Variants in CHN2 observed in about 807,000 individuals in gnomAD.
The protein encoded by CHN2 is chimerin 2.
A neutral mutation model predicts 56.3 loss-of-function variants in CHN2; 35 were observed. The ratio of observed to expected loss-of-function variants is 0.62; its 90% CI spans 0.47 to 0.82. The LOEUF is 0.82. Ranked by LOEUF, CHN2 falls within the 40% of genes least tolerant of loss-of-function variation. The pLI, the probability that CHN2 is intolerant of heterozygous loss-of-function variation, is 0.00. For synonymous variants in CHN2, 210 were observed against 212.8 expected, an observed-to-expected ratio of 0.99 and a Z score of 0.12; for missense variants, 491 against 580.5, an observed-to-expected ratio of 0.85 and a Z score of 1.58.
intron 6 of CHN2, chr7:29,445,249 T>A: frequency 2.3e-6 from 1 of 437,506 alleles, no homozygotes; most frequent in South Asian, 1.6e-5. Context: ...GAACCCTACC[T>A]CCTAGCCAGA....
At chr7:29,207,986 C>A (rs190090345) in intron 1 of CHN2, among the ~76,000 whole-genome samples, 55 of 152,208 alleles carry the variant, frequency 3.6e-4, no homozygotes, top group African/African-American at 1.2e-3. Context: ...TTTTCTAGAA[C>A]CATGTATTGT....
intron 6 of CHN2, among the ~76,000 whole-genome samples, chr7:29,425,009 G>T (rs1804716422): frequency 6.6e-6 from 1 of 152,236 alleles, no homozygotes; most frequent in African/African-American, 2.4e-5. Context: ...CCTGCATCAA[G>T]AGATTTGACA....
chr7:29,195,256 C>G (rs1007152971), intron 1 of CHN2: 2 of 410,790 alleles, frequency 4.9e-6, no homozygotes, highest in African/African-American at 2.1e-5. Flanking sequence ...TGGAGTGCAG[C>G]GAGCGAAAAG....
At chr7:29,195,124 G>T in intron 1 of CHN2, 134 bp downstream of exon 1, 2 of 907,362 alleles carry the variant, frequency 2.2e-6, no homozygotes, top group Non-Finnish European at 3.2e-6. Context: ...GGCGTCCGGG[G>T]TGATACTTGT....
At position 29,198,084 on chromosome 7, in the gene CHN2, C is replaced by T. The variant is rs112925847; in HGVS notation, c.49+3094C>T. On this transcript the variant is annotated intron_variant, in intron 1 of 12. Transcript: ENST00000222792. Reference sequence around the variant, plus strand: ...AGAGCTGCCAGCTCACTCATTGCTGCTGCTGATGTAGGAGGTTTTCTTTCT... The same window carrying T: ...AGAGCTGCCAGCTCACTCATTGCTGTTGCTGATGTAGGAGGTTTTCTTTCT... 85 of 455,554 alleles carry T rather than the reference C, an allele frequency of 1.9e-4. 1 individual carries two copies. The highest frequency in any genetic ancestry group is 1.5e-3 in the African/African-American group (77 of 50,146). The allele number at this position is 455,554 out of a possible 1,614,324, so 28.2% of individuals were successfully genotyped here.
chr7:29,204,532 A>T (rs1167608645), intron 1 of CHN2, among the ~76,000 whole-genome samples: 3 of 152,120 alleles, frequency 2.0e-5, no homozygotes, highest in African/African-American at 7.2e-5. Flanking sequence ...AAATAATACT[A>T]TTTTTGCTGA....
chr7:29,451,064 C>T (rs144039972), intron 6 of CHN2, among the ~76,000 whole-genome samples: 2,931 of 152,238 alleles, frequency 0.019, 42 homozygotes, highest in Non-Finnish European at 0.03. Flanking sequence ...CCATCACACC[C>T]GGCCTCATTA....
At chr7:29,360,084 T>G (rs1385816142) in intron 2 of CHN2, among the ~76,000 whole-genome samples, 2 of 152,196 alleles carry the variant, frequency 1.3e-5, no homozygotes, top group African/African-American at 4.8e-5. Context: ...ATCAGAAAAG[T>G]GGGGGGATCT....
At chr7:29,381,313 T>C (rs1035771628) in intron 3 of CHN2, among the ~76,000 whole-genome samples, 2 of 152,062 alleles carry the variant, frequency 1.3e-5, no homozygotes, top group Admixed American at 6.5e-5. Context: ...ATGCCAAAGA[T>C]GAGTACAAAA....
At chr7:29,212,932 A>C in intron 1 of CHN2, 1 of 1,610,390 alleles carries the variant, frequency 6.2e-7, no homozygotes, top group Non-Finnish European at 8.5e-7. Context: ...CCAGACCCAG[A>C]ACATCTAGTG....
At chr7:29,169,242 A>G (rs1334079545) in intron 2 of CHN2, among the ~76,000 whole-genome samples, 1 of 152,218 alleles carries the variant, frequency 6.6e-6, no homozygotes, top group East Asian at 1.9e-4. Flanking sequence ...TAAATGCACT[A>G]TGCTGATATT....
At chr7:29,330,692 A>G (rs144098273) in intron 1 of CHN2, among the ~76,000 whole-genome samples, 81 of 152,330 alleles carry the variant, frequency 5.3e-4, no homozygotes, top group African/African-American at 1.8e-3. Flanking sequence ...TTATATGAAG[A>G]AAAGGAAAAC....
At chr7:29,345,010 A>G (rs762307020) in intron 1 of CHN2, among the ~76,000 whole-genome samples, 1 of 152,200 alleles carries the variant, frequency 6.6e-6, no homozygotes, top group Non-Finnish European at 1.5e-5. Context: ...CCTGGGATAC[A>G]GCAGTCATGG....
intron 2 of CHN2, among the ~76,000 whole-genome samples, chr7:29,174,519 A>G (rs1797021206): frequency 6.6e-6 from 1 of 152,294 alleles, no homozygotes; most frequent in Non-Finnish European, 1.5e-5. Flanking sequence ...GGAACATGGT[A>G]GAGTGGATTT....
chr7:29,321,066 C>T (rs535810381), intron 1 of CHN2, among the ~76,000 whole-genome samples: 5 of 152,284 alleles, frequency 3.3e-5, no homozygotes, highest in South Asian at 2.1e-4. Flanking sequence ...TTTTACAAAA[C>T]GGTCTAGGGA....
At chr7:29,173,421 T>G (rs1796871381) in intron 2 of CHN2, among the ~76,000 whole-genome samples, 1 of 152,044 alleles carries the variant, frequency 6.6e-6, no homozygotes, top group South Asian at 2.1e-4. Context: ...CTGCTCCTGC[T>G]TGGAATATAG....
chr7:29,193,182 T>C (rs1783121631), upstream of CHN2: 1 of 152,282 alleles, frequency 6.6e-6, no homozygotes, highest in South Asian at 2.1e-4. Context: ...CTCACACTCC[T>C]TTAACAGTTT....
chr7:29,197,749 T>C (rs117372715), intron 1 of CHN2, among the ~76,000 whole-genome samples: 1 of 152,298 alleles, frequency 6.6e-6, no homozygotes, highest in East Asian at 1.9e-4. Flanking sequence ...TCCTTTTCCC[T>C]TATCCTCCAG....
At chr7:29,265,189 C>T (rs181786197) in intron 1 of CHN2, among the ~76,000 whole-genome samples, 1 of 152,214 alleles carries the variant, frequency 6.6e-6, no homozygotes, top group African/African-American at 2.4e-5. Context: ...ATTCCTTCAA[C>T]TTCTCCTGAC....
Sources: allele counts gnomAD v4.1 joint callset (sites outside exome capture counted in the v4.1 genomes callset), GRCh38; gene constraint gnomAD v4.1.1; transcripts MANE v1.5; gene names NCBI Gene and HGNC (gene_info 2026-07-23, HGNC 2026-07-21).